The following CD81 variants were observed in gnomAD, a reference collection of about 807,000 sequenced individuals.
CD81 encodes the protein CD81 molecule, also known as CD81 antigen.
A neutral mutation model predicts 30.1 loss-of-function variants in CD81; 10 were observed. The ratio of observed to expected loss-of-function variants is 0.33; its 90% CI spans 0.21 to 0.56. The LOEUF (loss-of-function observed/expected upper bound fraction) is 0.56, where lower values mean the gene tolerates loss of function less well. Among genes scored for constraint, CD81 ranks in the 20% least tolerant of loss-of-function variants. CD81 has a pLI of 0.89. For missense variants in CD81, 263 were observed against 308.7 expected, an observed-to-expected ratio of 0.85 and a Z score of 1.11; for synonymous variants, 147 against 126.4, an observed-to-expected ratio of 1.16 and a Z score of -1.10.
rs1564995515 is a variant in CD81 at position 2,395,455 on chromosome 11, C to T, written c.394C>T (p.Gln132Ter). Residue 132 changes from glutamine to a stop codon, truncating the protein, a stop_gained, in exon 5 of 8, where the codon CAG (glutamine) becomes TAG (stop). Transcript: ENST00000263645. LOFTEE classifies it high-confidence loss of function. ...GAAGCAGTTCTATGACCAGGCCCTACAGCAGGCCGTGGTGGATGATGACGC... is the reference window on the plus strand; with the variant it reads ...GAAGCAGTTCTATGACCAGGCCCTATAGCAGGCCGTGGTGGATGATGACGC... ...DVKQFYDQAL[Q>*]QAVVDDDANN... The T allele has an allele frequency of 6.2e-7, 1 of 1,612,826 alleles. No homozygotes were observed. The highest frequency in any genetic ancestry group is 8.5e-7 in the Non-Finnish European group (1 of 1,179,920).
At position 2,393,995 on chromosome 11, in the gene CD81, C is replaced by T. The variant is rs771416528; in HGVS notation, c.182-100C>T. The T allele has an allele frequency of 2.3e-4, 197 of 868,476 alleles. 1 individual carries two copies. The highest frequency in any genetic ancestry group is 3.5e-4 in the Non-Finnish European group (176 of 508,020). 53.8% of individuals were successfully genotyped at this position (868,476 alleles called of 1,614,324 possible). ...GGCAGTCAGCAACCCTACATCTTCC[C>T]AGCTGGGCGGCCCGTGGTGGGTTCG... On this transcript the variant is annotated intron_variant, in intron 2 of 7. Transcript: ENST00000263645.
Position 2,377,684 on chromosome 11 carries a change from G to A in CD81, c.66+69G>A. 2.7e-6 allele frequency: 3 copies of A among 1,117,298 alleles called. No individual in the cohort carries two copies. Among genetic ancestry groups the A allele is most frequent in the Non-Finnish European group, 3.7e-6 (3 of 800,422 alleles). 69.2% of individuals were successfully genotyped at this position (1,117,298 alleles called of 1,614,324 possible). On this transcript the variant is annotated intron_variant, in intron 1 of 7. Coordinates refer to ENST00000263645, the MANE Select transcript of CD81 (RefSeq NM_004356.4). The surrounding 1 kb of genome is among the most constrained non-coding windows in gnomAD (Gnocchi z 7.7). ...CACTCCACGTTGGGCAGGTCCCGCG[G>A]CAGCGTGCTAGGCCCCGCGGGCGCA...
At chr11:2,384,755 G>A (rs16928212) in intron 1 of CD81, 15,735 of 157,908 alleles carry the variant, frequency 0.1, 2,314 homozygotes, top group African/African-American at 0.33. Context: ...TCCAGATTCC[G>A]GCACTTATGA....
intron 1 of CD81, among the ~76,000 whole-genome samples, chr11:2,383,806 G>A (rs1589846860): frequency 6.6e-6 from 1 of 152,362 alleles, no homozygotes; most frequent in South Asian, 2.1e-4. Context: ...TGCCTGGGCA[G>A]GACTTGGGGT....
rs1016296352 is a variant in CD81, at chr11:2,394,720, G to A, written c.280-252G>A. ...CCTGTGACCCCAAACCACACGCCCC[G>A]CCCCATCCACCCCGTCCTGTGGAGC... On this transcript the variant is annotated intron_variant, in intron 3 of 7. Transcript: ENST00000263645. The A allele has an allele frequency of 6.0e-5, 36 of 599,778 alleles. No individual in the cohort carries two copies. The Admixed American group carries it at 7.7e-4, about 13-fold the overall frequency. 37.2% of individuals were successfully genotyped at this position (599,778 alleles called of 1,614,324 possible). A position where few individuals can be genotyped will look rare whatever the true frequency, so the allele number is the denominator to read the frequency against.
At chr11:2,393,696 C>T in intron 2 of CD81, 1 of 587,820 alleles carries the variant, frequency 1.7e-6, no homozygotes, top group South Asian at 2.0e-5. Flanking sequence ...GCCACTCCCA[C>T]CCCACGCCAA....
In CD81 at chr11:2,378,250, G is replaced by T; in HGVS notation, c.66+635G>T. ...GCCGGGATGGCCCAGAAGCTGGGGT[G>T]CGCGCACCCTGGCCGTCCCTGCCTG... is the stretch of plus-strand genomic sequence containing the variant. On this transcript the variant is annotated intron_variant, in intron 1 of 7. Transcript: ENST00000263645. The surrounding 1 kb of genome is among the most constrained non-coding windows in gnomAD (Gnocchi z 4.9). Among the ~76,000 whole-genome samples, 1 of 152,002 alleles carries T rather than the reference G, an allele frequency of 6.6e-6. No individual in the cohort carries two copies. The highest frequency in any genetic ancestry group is 1.5e-5 in the Non-Finnish European group (1 of 67,972).
intron 1 of CD81, among the ~76,000 whole-genome samples, chr11:2,382,214 C>T (rs1279440639): frequency 1.3e-5 from 2 of 152,240 alleles, no homozygotes; most frequent in South Asian, 4.1e-4. Flanking sequence ...GCATCTGCCC[C>T]CCACCCCCAC....
Position 2,378,588 on chromosome 11 carries a change from C to T in CD81, c.66+973C>T, listed in dbSNP as rs1267214380. Among the ~76,000 whole-genome samples, 1 of 150,874 alleles carries T rather than the reference C, an allele frequency of 6.6e-6. No homozygotes were observed. Among genetic ancestry groups the T allele is most frequent in the East Asian group, 1.9e-4 (1 of 5,178 alleles). On this transcript the variant is annotated intron_variant, in intron 1 of 7. Transcript: ENST00000263645. This position sits in a 1 kb window ranked among gnomAD's most constrained non-coding sequence, Gnocchi z 4.9. The stretch of plus-strand genomic sequence containing the variant: ...GGGCTTTCGCCTTTTGTTTCCATTT[C>T]CTGTCGGTGTTAGAATTGGGGAGGG...
At chr11:2,383,164 G>A (rs942852380) in intron 1 of CD81, among the ~76,000 whole-genome samples, 4 of 152,204 alleles carry the variant, frequency 2.6e-5, no homozygotes, top group Admixed American at 1.3e-4. Context: ...CGGGGCCAGG[G>A]GCCCTGTGAG....
At position 2,377,825 on chromosome 11, in the gene CD81, G is replaced by T. The variant is rs964098080; in HGVS notation, c.66+210G>T. 14 of 273,820 alleles carry T rather than the reference G, an allele frequency of 5.1e-5. No individual in the cohort carries two copies. The highest frequency in any genetic ancestry group is 2.7e-4 in the African/African-American group (12 of 43,674). 17.0% of individuals were successfully genotyped at this position (273,820 alleles called of 1,614,324 possible). A position where few individuals can be genotyped will look rare whatever the true frequency, so the allele number is the denominator to read the frequency against. On this transcript the variant is annotated intron_variant, in intron 1 of 7. Coordinates refer to ENST00000263645, the MANE Select transcript of CD81 (RefSeq NM_004356.4). The surrounding 1 kb of genome is among the most constrained non-coding windows in gnomAD (Gnocchi z 7.7). ...TGAGGGCTGCGAGCCGAGTTTCGGG[G>T]CCTCTGTGCTCGGGGGCCCACCTCT... is the stretch of plus-strand genomic sequence containing the variant.
chr11:2,395,293 T>C (rs1849975902), intron 4 of CD81, 123 bp from the exon 5 acceptor site: 1 of 824,722 alleles, frequency 1.2e-6, no homozygotes, highest in Admixed American at 2.0e-5. Context: ...TCCTCTGGGG[T>C]CTAGCCTCGA....
At chr11:2,396,018 C>G in intron 6 of CD81, 48 bp downstream of exon 6, 2 of 1,327,044 alleles carry the variant, frequency 1.5e-6, no homozygotes, top group East Asian at 2.3e-5. Flanking sequence ...ATGTCCCGCC[C>G]CTGGGTGGGG....
intron 1 of CD81, among the ~76,000 whole-genome samples, chr11:2,384,230 T>G (rs1038600634): frequency 6.6e-6 from 1 of 151,254 alleles, no homozygotes. Flanking sequence ...TTACCTGGGC[T>G]CCATCCTGAG....
At chr11:2,388,089 G>A (rs1849828109) in intron 1 of CD81, among the ~76,000 whole-genome samples, 4 of 152,220 alleles carry the variant, frequency 2.6e-5, no homozygotes, top group South Asian at 4.2e-4. Context: ...CTCTGTCACC[G>A]AGGCTGGAGT....
chr11:2,390,231 C>T (rs1849873601), intron 1 of CD81, 181 bp from the exon 2 acceptor site: 1 of 674,202 alleles, frequency 1.5e-6, no homozygotes, highest in Non-Finnish European at 2.7e-6. Context: ...AAAGCACCCG[C>T]CCCATGCTCC....
intron 1 of CD81, chr11:2,385,626 G>A (rs1374248119): frequency 1.9e-5 from 1 of 52,964 alleles, no homozygotes; most frequent in East Asian, 2.6e-4. Flanking sequence ...GTGCTGTGGC[G>A]TGCCCGTCGT....
At chr11:2,386,654 C>T (rs1488054163) in intron 1 of CD81, 1 of 715,802 alleles carries the variant, frequency 1.4e-6, no homozygotes, top group South Asian at 1.5e-5. Flanking sequence ...GGCCTCTGCC[C>T]AGTGCCTGGC....
intron 2 of CD81, chr11:2,392,083 G>A (rs1849910237): frequency 6.6e-6 from 1 of 152,244 alleles, no homozygotes; most frequent in Admixed American, 6.5e-5. Flanking sequence ...CTCCTGTCCA[G>A]GGACAGGAGG....
Sources: gnomAD v4.1 joint callset for allele counts (sites outside exome capture counted in the v4.1 genomes callset) on GRCh38, gnomAD v4.1.1 for gene constraint, Gnocchi (gnomAD v3.1) non-coding constraint, MANE v1.5 for transcripts, NCBI Gene and HGNC (gene_info 2026-07-23, HGNC 2026-07-21) for gene names.